Variants in PTCHD1 observed in about 807,000 individuals in gnomAD.
The protein encoded by PTCHD1 is patched domain containing 1, also known as patched domain-containing protein 1.
A neutral mutation model predicts 34.6 loss-of-function variants in PTCHD1; 3 were observed. That is an observed-to-expected ratio of 0.09 (90% CI 0.04 to 0.22). PTCHD1 has a LOEUF of 0.22. Among genes scored for constraint, PTCHD1 ranks in the 10% least tolerant of loss-of-function variants. The pLI is 1.00. For synonymous variants in PTCHD1, 305 were observed against 283.1 expected (o/e 1.08, Z -0.77); for missense variants, 504 against 685.5 (o/e 0.74, Z 2.96).
intron 1 of PTCHD1, among the ~76,000 whole-genome samples, chrX:23,355,506 CATAAT>C (rs1241540464): frequency 8.9e-6 from 1 of 112,947 alleles, no homozygotes; most frequent in Admixed American, 9.3e-5. Context: ...ATAAGCACCT[CATAAT>C]ATAAGCACAT....
intron 1 of PTCHD1, among the ~76,000 whole-genome samples, chrX:23,371,665 G>A (rs1426502564): frequency 9.0e-6 from 1 of 110,943 alleles, no homozygotes; most frequent in Non-Finnish European, 1.9e-5. Context: ...AACAGAGGCA[G>A]GATTTGAACT....
chrX:23,343,544 T>G (rs1005184781), intron 1 of PTCHD1, among the ~76,000 whole-genome samples: 8 of 112,348 alleles, frequency 7.1e-5, no homozygotes, highest in African/African-American at 2.6e-4. Flanking sequence ...CAAGGACAAG[T>G]GGTTTTCCTG....
chrX:23,353,530 G>A lies in PTCHD1; in HGVS notation c.351+18304G>A, dbSNP rs1020440514. ...CTTGAACTCAGGAGGCGGAGGTTGC[G>A]GTGAGCGGAGATCGCGCCACTGCAC... is the stretch of plus-strand genomic sequence containing the variant. On this transcript the variant is annotated intron_variant, in intron 1 of 2. Coordinates refer to ENST00000379361, the MANE Select transcript of PTCHD1 (RefSeq NM_173495.3). Among the ~76,000 whole-genome samples, 8 of 111,991 alleles carry A rather than the reference G, an allele frequency of 7.1e-5. No homozygotes were observed. In the South Asian group the frequency reaches 2.3e-3, roughly 32 times the overall value.
rs1342689849 is a variant in PTCHD1 at position 23,334,907 on chromosome X, G to A, written c.32G>A (p.Arg11Lys). The change falls in exon 1 of 3, where the codon AGG (arginine) becomes AAG (lysine). Residue 11 changes from arginine to lysine, a missense_variant. Coordinates refer to ENST00000379361, the MANE Select transcript of PTCHD1 (RefSeq NM_173495.3). MLRQVLHRGL[R>K]TCFSRLGHFI... Reference sequence around the variant, plus strand: ...CGGCAGGTTCTGCACAGGGGCTTGAGGACGTGTTTCTCCCGGCTCGGCCAC... The same window carrying A: ...CGGCAGGTTCTGCACAGGGGCTTGAAGACGTGTTTCTCCCGGCTCGGCCAC... The A allele has an allele frequency of 8.3e-7, 1 of 1,202,307 alleles. No homozygotes were observed. Among genetic ancestry groups the A allele is most frequent in the Non-Finnish European group, 1.1e-6 (1 of 891,089 alleles).
chrX:23,335,315 C>A, intron 1 of PTCHD1, 89 bp downstream of exon 1: 1 of 753,209 alleles, frequency 1.3e-6, no homozygotes, highest in Non-Finnish European at 2.0e-6. Flanking sequence ...GAGAGCGCCA[C>A]CTCTCCTAGC....
intron 2 of PTCHD1, among the ~76,000 whole-genome samples, chrX:23,386,953 A>G (rs1457455583): frequency 8.9e-6 from 1 of 112,245 alleles, no homozygotes; most frequent in East Asian, 2.8e-4. Context: ...TAGTGTGGAG[A>G]GGTTTAAAAT....
At chrX:23,378,159 C>A (rs1470597316) in intron 1 of PTCHD1, among the ~76,000 whole-genome samples, 1 of 112,046 alleles carries the variant, frequency 8.9e-6, no homozygotes, top group Non-Finnish European at 1.9e-5. Context: ...GCAAAGCCAC[C>A]ATGAGGATAA....
At chrX:23,354,349 T>C (rs1266284089) in intron 1 of PTCHD1, among the ~76,000 whole-genome samples, 2 of 105,857 alleles carry the variant, frequency 1.9e-5, no homozygotes, top group Admixed American at 1.0e-4. Flanking sequence ...TATCTTCCCA[T>C]GGCCTGTCTA....
chrX:23,354,818 G>A (rs375691939), intron 1 of PTCHD1, among the ~76,000 whole-genome samples: 22 of 108,989 alleles, frequency 2.0e-4, no homozygotes, highest in South Asian at 4.1e-4. Context: ...TGATCACCCC[G>A]CCTCGGCCTC....
chrX:23,367,030 A>T (rs1922162287), intron 1 of PTCHD1, among the ~76,000 whole-genome samples: 1 of 110,163 alleles, frequency 9.1e-6, no homozygotes, highest in Admixed American at 9.7e-5. Context: ...AGCTATTCCT[A>T]TCATAGCACT....
At chrX:23,367,447 C>G (rs1193296548) in intron 1 of PTCHD1, among the ~76,000 whole-genome samples, 2 of 111,920 alleles carry the variant, frequency 1.8e-5, no homozygotes, top group African/African-American at 6.5e-5. Context: ...TGAAAGCAAT[C>G]TTTGCTCCGG....
At position 23,401,614 on chromosome X, in the gene PTCHD1, C is replaced by T. The variant is rs1923125891; in HGVS notation, c.*7429C>T. The T allele has an allele frequency of 8.8e-6, 1 of 113,138 alleles. No individual in the cohort carries two copies. The highest frequency in any genetic ancestry group is 9.3e-5 in the Admixed American group (1 of 10,783). The allele number at this position is 113,138 out of a possible 1,213,427, so 9.3% of individuals were successfully genotyped here. A position where few individuals can be genotyped will look rare whatever the true frequency, so the allele number is the denominator to read the frequency against. ...ACATATGCACATGCTTACATACACA[C>T]ATATCACAGATGTGCATGCACACAT... is the stretch of plus-strand genomic sequence containing the variant. On this transcript the variant is annotated 3_prime_UTR_variant, in exon 3 of 3. Transcript: ENST00000379361.
At position 23,379,779 on chromosome X, in the gene PTCHD1, A is replaced by G; in HGVS notation, c.540A>G (p.Leu180=). Residue 180 remains leucine, a synonymous_variant, in exon 2 of 3, where the codon TTA becomes TTG. Coordinates refer to ENST00000379361, the MANE Select transcript of PTCHD1 (RefSeq NM_173495.3). ...NFAITYPITH[L]KDGRAVYNGH... is the part of the protein sequence containing the mutation. Reference sequence around the variant, plus strand: ...CTATCACATACCCAATCACTCACTTAAAGGACGGGAGGGCTGTGTACAATG... The same window carrying G: ...CTATCACATACCCAATCACTCACTTGAAGGACGGGAGGGCTGTGTACAATG... The G allele has an allele frequency of 8.3e-7, 1 of 1,211,151 alleles. No individual in the cohort carries two copies. The highest frequency in any genetic ancestry group is 1.1e-6 in the Non-Finnish European group (1 of 895,370).
intron 1 of PTCHD1, among the ~76,000 whole-genome samples, chrX:23,362,605 C>T (rs1380755823): frequency 8.9e-6 from 1 of 111,988 alleles, no homozygotes; most frequent in Non-Finnish European, 1.9e-5. Context: ...TTGTAATTAC[C>T]GACCTTCTGA....
At chrX:23,371,734 G>T (rs777954736) in intron 1 of PTCHD1, among the ~76,000 whole-genome samples, 1 of 111,219 alleles carries the variant, frequency 9.0e-6, no homozygotes, top group Non-Finnish European at 1.9e-5. Flanking sequence ...ATATTGTCAA[G>T]TCGGGAAGGA....
chrX:23,371,051 G>T (rs1454172173), intron 1 of PTCHD1, among the ~76,000 whole-genome samples: 2 of 111,241 alleles, frequency 1.8e-5, no homozygotes, highest in Non-Finnish European at 3.8e-5. Context: ...GCTCAGGTAG[G>T]TGACTCACAT....
At chrX:23,357,442 T>A in intron 1 of PTCHD1, among the ~76,000 whole-genome samples, 1 of 111,505 alleles carries the variant, frequency 9.0e-6, no homozygotes, top group Non-Finnish European at 1.9e-5. Context: ...CTGGTGAGAC[T>A]GTAAAATGTT....
chrX:23,368,516 G>A (rs957964948), intron 1 of PTCHD1, among the ~76,000 whole-genome samples: 1 of 111,439 alleles, frequency 9.0e-6, no homozygotes, highest in African/African-American at 3.3e-5. Flanking sequence ...CCTTTTATGT[G>A]CCAGGCACTA....
intron 1 of PTCHD1, among the ~76,000 whole-genome samples, chrX:23,340,166 A>G (rs779619185): frequency 8.9e-6 from 1 of 112,370 alleles, no homozygotes; most frequent in South Asian, 3.8e-4. Flanking sequence ...TTTGTTTTAT[A>G]AAGATTCTTT....
Sources: allele counts gnomAD v4.1 joint callset (sites outside exome capture counted in the v4.1 genomes callset), GRCh38; gene constraint gnomAD v4.1.1; transcripts MANE v1.5; gene names NCBI Gene and HGNC (gene_info 2026-07-23, HGNC 2026-07-21).